LINGO2: variants seen among roughly 807,000 people sequenced by gnomAD.
LINGO2 encodes the protein leucine-rich repeat and immunoglobulin-like domain-containing nogo receptor-interacting protein 2.
Under a neutral mutation model 30.6 loss-of-function variants are expected in LINGO2, and 14 were observed. That is an observed-to-expected ratio of 0.46 (90% CI 0.30 to 0.72). The LOEUF (loss-of-function observed/expected upper bound fraction) is 0.72. Ranked by LOEUF, LINGO2 falls within the 30% of genes least tolerant of loss-of-function variation. LINGO2 has a pLI of 0.07. For missense variants in LINGO2, 729 were observed against 751.7 expected (o/e 0.97, Z 0.35); for synonymous variants, 317 against 288.5 (o/e 1.10, Z -1.00).
intron 4 of LINGO2, among the ~76,000 whole-genome samples, chr9:28,187,058 C>T (rs903235463): frequency 6.6e-6 from 1 of 152,032 alleles, no homozygotes; most frequent in Non-Finnish European, 1.5e-5. Flanking sequence ...CACAGGCAGA[C>T]CAGTTAGGAG....
intron 4 of LINGO2, among the ~76,000 whole-genome samples, chr9:28,170,334 A>T (rs7024873): frequency 0.99 from 150,853 of 152,312 alleles, 74,727 homozygotes; most frequent in Middle Eastern, 1. Flanking sequence ...TTATTATCCA[A>T]AAGAAATAGA....
chr9:28,598,429 AAAAAAC>A (rs1473904356), intron 1 of LINGO2, among the ~76,000 whole-genome samples: 1 of 128,254 alleles, frequency 7.8e-6, no homozygotes. Context: ...AAAAAAAAAA[AAAAAAC>A]AAAACAAACA....
chr9:28,832,815 G>T, the LINGO2 span, among the ~76,000 whole-genome samples: 3 of 152,192 alleles, frequency 2.0e-5, no homozygotes, highest in Admixed American at 2.0e-4. Flanking sequence ...CACTTCCTGA[G>T]TCAACCTTTT....
At chr9:28,119,915 T>A (rs191060162) in intron 4 of LINGO2, among the ~76,000 whole-genome samples, 1 of 152,320 alleles carries the variant, frequency 6.6e-6, no homozygotes, top group Non-Finnish European at 1.5e-5. Flanking sequence ...ATAATTAATT[T>A]ATTTCACAGG....
At chr9:28,768,412 A>G in the LINGO2 span, among the ~76,000 whole-genome samples, 2 of 152,066 alleles carry the variant, frequency 1.3e-5, no homozygotes, top group Non-Finnish European at 2.9e-5. Context: ...TCTTTGATAT[A>G]GTTTTTGCTA....
At chr9:28,939,318 AC>A in the LINGO2 span, among the ~76,000 whole-genome samples, 3 of 152,130 alleles carry the variant, frequency 2.0e-5, no homozygotes, top group African/African-American at 7.2e-5. Context: ...TTGCTCACTA[AC>A]TGGCTTCCCC....
chr9:27,955,718 A>T (rs1280432136), intron 5 of LINGO2, among the ~76,000 whole-genome samples: 1 of 152,034 alleles, frequency 6.6e-6, no homozygotes, highest in Non-Finnish European at 1.5e-5. Flanking sequence ...TGTGTCCAAG[A>T]GCTGCTATGA....
At chr9:28,226,589 GAAAA>G (rs1821153992) in intron 4 of LINGO2, among the ~76,000 whole-genome samples, 1 of 143,108 alleles carries the variant, frequency 7.0e-6, no homozygotes, top group Non-Finnish European at 1.5e-5. Flanking sequence ...GAGAGAGAAA[GAAAA>G]AAGAAAGAAA....
chr9:28,029,579 C>T lies in LINGO2; in HGVS notation c.-86-17174G>A, dbSNP rs371093007. 6.6e-5 allele frequency among the ~76,000 whole-genome samples: 10 copies of T among 151,834 alleles called. No individual in the cohort carries two copies. The East Asian group carries it at 1.2e-3, about 18-fold the overall frequency. On this transcript the variant is annotated intron_variant, in intron 4 of 5. Transcript: ENST00000379992. ...AGGAACCACATTTATATCCTTCTAA[C>T]CGTCAAAAATAAAATGAAGGAGTTG...
chr9:28,395,895 C>A (rs745615210), intron 2 of LINGO2, among the ~76,000 whole-genome samples: 2 of 152,204 alleles, frequency 1.3e-5, no homozygotes, highest in African/African-American at 4.8e-5. Context: ...TTTCAGCAAC[C>A]TTTTTCTGTG....
chr9:28,946,328 T>G, the LINGO2 span, among the ~76,000 whole-genome samples: 50 of 152,262 alleles, frequency 3.3e-4, no homozygotes, highest in East Asian at 9.1e-3. Flanking sequence ...ACTTTTAAAA[T>G]CAATCCGAAG....
the LINGO2 span, among the ~76,000 whole-genome samples, chr9:28,755,338 A>G: frequency 1.3e-5 from 2 of 152,116 alleles, no homozygotes; most frequent in Non-Finnish European, 1.5e-5. Context: ...TCTATTTACT[A>G]GCTCTGCGGC....
intron 4 of LINGO2, among the ~76,000 whole-genome samples, chr9:28,018,413 C>G (rs1822948099): frequency 6.6e-6 from 1 of 152,012 alleles, no homozygotes; most frequent in Admixed American, 6.6e-5. Context: ...GAAATATATT[C>G]TCCCATTATA....
At chr9:28,409,680 AAG>A (rs1822669642) in intron 2 of LINGO2, among the ~76,000 whole-genome samples, 1 of 150,748 alleles carries the variant, frequency 6.6e-6, no homozygotes, top group Admixed American at 6.7e-5. Flanking sequence ...GTAAAAGGAA[AAG>A]AGAGCATCAG....
At chr9:28,414,157 T>G (rs922573966) in intron 2 of LINGO2, among the ~76,000 whole-genome samples, 4 of 151,972 alleles carry the variant, frequency 2.6e-5, no homozygotes, top group Non-Finnish European at 5.9e-5. Flanking sequence ...CTTCTAGCTA[T>G]CAAAATAAAA....
the LINGO2 span, among the ~76,000 whole-genome samples, chr9:28,972,263 C>T: frequency 6.6e-6 from 1 of 152,146 alleles, no homozygotes; most frequent in Non-Finnish European, 1.5e-5. Flanking sequence ...TAATCATCAA[C>T]AACATCCAGG....
chr9:29,174,676 T>C, the LINGO2 span, among the ~76,000 whole-genome samples: 3 of 152,168 alleles, frequency 2.0e-5, no homozygotes, highest in Admixed American at 2.0e-4. Flanking sequence ...TCCTATTTGC[T>C]GACCATGACT....
the LINGO2 span, among the ~76,000 whole-genome samples, chr9:28,744,022 T>C: frequency 2.0e-5 from 3 of 151,352 alleles, no homozygotes; most frequent in Admixed American, 2.0e-4. Context: ...CCTGATTTCA[T>C]AATCTTTAAT....
the LINGO2 span, among the ~76,000 whole-genome samples, chr9:28,901,526 TA>T: frequency 6.6e-6 from 1 of 151,702 alleles, no homozygotes; most frequent in Admixed American, 6.6e-5. Flanking sequence ...GGATACAAAT[TA>T]AAAAAAGATG....
Sources: allele counts gnomAD v4.1 joint callset (sites outside exome capture counted in the v4.1 genomes callset), GRCh38; gene constraint gnomAD v4.1.1; transcripts MANE v1.5; gene names NCBI Gene and HGNC (gene_info 2026-07-23, HGNC 2026-07-21).